The following SLC26A11 variants were observed in gnomAD, a reference collection of about 807,000 sequenced individuals.
The protein encoded by SLC26A11 is sodium-independent sulfate anion transporter.
In SLC26A11, 58 loss-of-function variants were observed where a neutral mutation model predicts 62.2. The observed-to-expected ratio is 0.93, with a 90% CI of 0.76 to 1.16. SLC26A11 has a LOEUF of 1.16. Among genes scored for constraint, SLC26A11 ranks in the 50% most tolerant of loss-of-function variants. SLC26A11 has a pLI of 0.00. For synonymous variants in SLC26A11, 411 were observed against 368.9 expected (o/e 1.11, Z -1.31); for missense variants, 790 against 794.3 (o/e 0.99, Z 0.06).
chr17:80,238,331 C>T (rs1442327446), intron 9 of SLC26A11, among the ~76,000 whole-genome samples: 1 of 152,134 alleles, frequency 6.6e-6, no homozygotes, highest in Non-Finnish European at 1.5e-5. Context: ...CCAGCCTGGG[C>T]AGCAGAACAA....
In SLC26A11 at chr17:80,230,807, T is replaced by C. The variant is rs117511854; in HGVS notation, c.736+2847T>C. The stretch of plus-strand genomic sequence containing the variant: ...TGTGTGTAGCATTGTCTTAGGAAAC[T>C]ACTTAAAAAGCTTTTGATTCTTATA... On this transcript the variant is annotated intron_variant, in intron 7 of 17. Coordinates refer to ENST00000361193, the MANE Select transcript of SLC26A11 (RefSeq NM_001166347.2). 4.8e-3 allele frequency among the ~76,000 whole-genome samples: 726 copies of C among 152,334 alleles called. 2 individuals are homozygous for C. Among genetic ancestry groups the C allele is most frequent in the Non-Finnish European group, 8.1e-3 (554 of 68,024 alleles).
At chr17:80,237,655 T>C (rs1598819613) in intron 9 of SLC26A11, 61 bp downstream of exon 9, 16 of 1,510,034 alleles carry the variant, frequency 1.1e-5, no homozygotes, top group Non-Finnish European at 1.4e-5. Flanking sequence ...TAGGCCTGCC[T>C]GCTTTCTAGC....
rs1454866318 is a variant in SLC26A11, at chr17:80,241,831, C to G, written c.1036+10C>G. On this transcript the variant is annotated intron_variant, in intron 10 of 17. Transcript: ENST00000361193. Reference sequence around the variant, plus strand: ...GAGCTGCTGGCCATCGGTAAGACCCCAGCCGCGGGAAGGAAGACACCAGCT... The same window carrying G: ...GAGCTGCTGGCCATCGGTAAGACCCGAGCCGCGGGAAGGAAGACACCAGCT... 1 of 1,614,202 alleles carries G rather than the reference C, an allele frequency of 6.2e-7. No homozygotes were observed. The highest frequency in any genetic ancestry group is 8.5e-7 in the Non-Finnish European group (1 of 1,180,024).
chr17:80,226,129 G>A (rs1178620557), intron 6 of SLC26A11, among the ~76,000 whole-genome samples: 3 of 152,128 alleles, frequency 2.0e-5, no homozygotes, highest in Non-Finnish European at 4.4e-5. Context: ...ACAGGAGGCC[G>A]GTGGTCTGCG....
rs141482980 is a variant in SLC26A11, at chr17:80,236,910, C to T, written c.737-18C>T. On this transcript the variant is annotated intron_variant, in intron 7 of 17. Coordinates refer to ENST00000361193, the MANE Select transcript of SLC26A11 (RefSeq NM_001166347.2). ...CGCCGGGAGCAGGGTCTCGGACGCA[C>T]CTCTCCTTCTCTCCTAGCTCGCAAC... 66 of 1,598,686 alleles carry T rather than the reference C, an allele frequency of 4.1e-5. No individual in the cohort carries two copies. In the African/African-American group the frequency reaches 8.0e-4, roughly 19 times the overall value.
chr17:80,248,366 G>A, intron 14 of SLC26A11, 109 bp downstream of exon 14: 2 of 1,442,050 alleles, frequency 1.4e-6, no homozygotes, highest in Non-Finnish European at 1.8e-6. Flanking sequence ...GCTGCTGAAG[G>A]GGACCGCTCG....
chr17:80,236,822 G>A, intron 7 of SLC26A11, 106 bp from the exon 8 acceptor site: 1 of 1,215,212 alleles, frequency 8.2e-7, no homozygotes. Context: ...GCCCGGTGGG[G>A]GCGTCTCCTG....
rs888376925 is a variant in SLC26A11, at chr17:80,221,691, C to T, written c.131C>T (p.Ser44Phe). The T allele has an allele frequency of 3.1e-5, 50 of 1,613,534 alleles. No individual in the cohort carries two copies. The highest frequency in any genetic ancestry group is 4.2e-5 in the Non-Finnish European group (49 of 1,180,028). The stretch of plus-strand genomic sequence containing the variant: ...ATCCTGGCGTGGCTGCCCAGCTACT[C>T]CCTGCAGTGGCTGAAGATGGATTTC... ...LPILAWLPSY[S>F]LQWLKMDFVA... Residue 44 changes from serine (S) to phenylalanine (F), a missense_variant, in exon 3 of 18, where the codon TCC becomes TTC. Transcript: ENST00000361193.
rs140446155 is a variant in SLC26A11, at chr17:80,240,361, C to T, written c.986-1410C>T. Among the ~76,000 whole-genome samples the T allele has an allele frequency of 5.5e-3, 837 of 151,394 alleles. 3 individuals carry two copies. Among genetic ancestry groups the T allele is most frequent in the Non-Finnish European group, 9.1e-3 (617 of 67,816 alleles). ...CAGCCTGGGCGACAGAGCAAGACTC[C>T]GTCTCAAAAAAAAAAGTTTGCCAAC... On this transcript the variant is annotated intron_variant, in intron 9 of 17. Transcript: ENST00000361193.
In SLC26A11 at chr17:80,246,482, G is replaced by A; in HGVS notation, c.1154-27G>A. On this transcript the variant is annotated intron_variant, in intron 12 of 17. Transcript: ENST00000361193. This position sits in a 1 kb window ranked among gnomAD's most constrained non-coding sequence, Gnocchi z 4.4. ...TGCTGGGGGGACCCTGCACTCCCGAGGTCACCTGTGTTCCCGTGCCCCGCA... is the reference window on the plus strand; with the variant it reads ...TGCTGGGGGGACCCTGCACTCCCGAAGTCACCTGTGTTCCCGTGCCCCGCA... 1.9e-6 allele frequency: 3 copies of A among 1,606,216 alleles called. No individual in the cohort carries two copies. Among genetic ancestry groups the A allele is most frequent in the Admixed American group, 3.3e-5 (2 of 60,008 alleles).
intron 10 of SLC26A11, among the ~76,000 whole-genome samples, chr17:80,242,232 C>T (rs1407681110): frequency 2.0e-5 from 3 of 152,238 alleles, no homozygotes; most frequent in African/African-American, 7.2e-5. Flanking sequence ...CTGCCTCGGC[C>T]TCCCAAAGTG....
In SLC26A11 at chr17:80,246,853, G is replaced by C. The variant is rs537393519; in HGVS notation, c.1294+204G>C. 2.0e-5 allele frequency among the ~76,000 whole-genome samples: 3 copies of C among 152,114 alleles called. No homozygotes were observed. Among genetic ancestry groups the C allele is most frequent in the Non-Finnish European group, 4.4e-5 (3 of 68,010 alleles). Reference sequence around the variant, plus strand: ...TCAGTGGGAAGAGCTGGAGCTCCTTGTCCTGACACCTGGGGTCTTGAGGCG... The same window carrying C: ...TCAGTGGGAAGAGCTGGAGCTCCTTCTCCTGACACCTGGGGTCTTGAGGCG... On this transcript the variant is annotated intron_variant, in intron 13 of 17. Transcript: ENST00000361193. The surrounding 1 kb of genome is among the most constrained non-coding windows in gnomAD (Gnocchi z 4.4).
At chr17:80,237,203 G>A (rs1272419006) in intron 8 of SLC26A11, 100 bp downstream of exon 8, 8 of 1,406,812 alleles carry the variant, frequency 5.7e-6, no homozygotes, top group Non-Finnish European at 7.7e-6. Context: ...GGGGTCTGAG[G>A]TCAGTTAGGA....
At chr17:80,229,050 G>A (rs1253695753) in intron 7 of SLC26A11, among the ~76,000 whole-genome samples, 1 of 152,188 alleles carries the variant, frequency 6.6e-6, no homozygotes, top group Non-Finnish European at 1.5e-5. Flanking sequence ...GGAAGCATAG[G>A]TGACTCCAAA....
rs778120205 is a variant in SLC26A11, at chr17:80,245,236, G to A, written c.1077G>A (p.Pro359=). Residue 359 remains proline, a synonymous_variant, in exon 11 of 18, where the codon CCG becomes CCA. Transcript: ENST00000361193. Reference sequence around the variant, plus strand: ...TGGGCTCCCTCGTCTCCTCCTACCCGGTCACAGGCAGCTTTGGACGGTGAG... The same window carrying A: ...TGGGCTCCCTCGTCTCCTCCTACCCAGTCACAGGCAGCTTTGGACGGTGAG... ...NMLGSLVSSY[P]VTGSFGRTAV... The A allele has an allele frequency of 9.3e-6, 15 of 1,613,650 alleles. No homozygotes were observed. The highest frequency in any genetic ancestry group is 1.6e-4 in the Middle Eastern group (1 of 6,084).
chr17:80,236,750 T>C (rs2144926223), intron 7 of SLC26A11, 178 bp from the exon 8 acceptor site: 1 of 676,348 alleles, frequency 1.5e-6, no homozygotes, highest in East Asian at 2.5e-5. Context: ...CCCACCTGCT[T>C]ATGCTGCCAC....
intron 10 of SLC26A11, among the ~76,000 whole-genome samples, chr17:80,242,729 G>A (rs899861744): frequency 4.5e-4 from 68 of 152,184 alleles, no homozygotes; most frequent in Admixed American, 4.4e-3. Context: ...GTGTGTGAGA[G>A]ACTGAATCTT....
intron 5 of SLC26A11, among the ~76,000 whole-genome samples, chr17:80,224,404 AGAGTGAGTGT>A (rs1423521994): frequency 8.8e-5 from 11 of 125,000 alleles, no homozygotes; most frequent in East Asian, 7.3e-4. Flanking sequence ...TATGAGTGTG[AGAGTGAGTGT>A]GAGTGAGTGA....
At chr17:80,249,314 G>A (rs773587752) in intron 16 of SLC26A11, 27 bp downstream of exon 16, 17 of 1,605,322 alleles carry the variant, frequency 1.1e-5, no homozygotes, top group Non-Finnish European at 1.4e-5. Flanking sequence ...CTGCCTTAGG[G>A]GTTAGCAGCT....
Sources: allele counts gnomAD v4.1 joint callset (sites outside exome capture counted in the v4.1 genomes callset), GRCh38; gene constraint gnomAD v4.1.1; non-coding constraint Gnocchi (gnomAD v3.1); transcripts MANE v1.5; gene names NCBI Gene and HGNC (gene_info 2026-07-23, HGNC 2026-07-21).